ATF2: variants seen among roughly 807,000 people sequenced by gnomAD.
ATF2 encodes the protein cyclic AMP-dependent transcription factor ATF-2.
In ATF2, 24 loss-of-function variants were observed where a neutral mutation model predicts 60.6. The observed-to-expected ratio is 0.40, with a 90% CI of 0.29 to 0.56. The LOEUF (loss-of-function observed/expected upper bound fraction) is 0.56, where lower values mean the gene tolerates loss of function less well. Among genes scored for constraint, ATF2 ranks in the 20% least tolerant of loss-of-function variants. ATF2 has a pLI of 0.54. For synonymous variants in ATF2, 206 were observed against 215.4 expected (o/e 0.96, Z 0.38); for missense variants, 433 against 607.7 (o/e 0.71, Z 3.02).
chr2:175,093,404 T>G lies in ATF2; in HGVS notation c.979-137A>C. On this transcript the variant is annotated intron_variant, in intron 11 of 13. Transcript: ENST00000264110. Reference sequence around the variant, plus strand: ...AATACATCAGTATGTTGGGGCAATATGAAAATCACCCTGTGGTTTAACTTC... The same window carrying G: ...AATACATCAGTATGTTGGGGCAATAGGAAAATCACCCTGTGGTTTAACTTC... 6.1e-6 allele frequency: 5 copies of G among 823,962 alleles called. No individual in the cohort carries two copies. The South Asian group carries it at 9.2e-5, about 15-fold the overall frequency. 51.0% of individuals were successfully genotyped at this position (823,962 alleles called of 1,614,324 possible).
In ATF2 at chr2:175,114,124, G is replaced by T. The variant is rs576890556; in HGVS notation, c.627-16C>A. Reference sequence around the variant, plus strand: ...TGGTACAGGGCTAAGAAAAACAAAAGAAGAGAAATTTTAAAAAAGAGATTC... The same window carrying T: ...TGGTACAGGGCTAAGAAAAACAAAATAAGAGAAATTTTAAAAAAGAGATTC... On this transcript the variant is annotated splice_polypyrimidine_tract_variant and intron_variant, in intron 8 of 13. Transcript: ENST00000264110. 1 of 1,557,868 alleles carries T rather than the reference G, an allele frequency of 6.4e-7. No individual in the cohort carries two copies. The highest frequency in any genetic ancestry group is 8.6e-7 in the Non-Finnish European group (1 of 1,156,284).
At chr2:175,105,809 G>A (rs939751616) in intron 10 of ATF2, among the ~76,000 whole-genome samples, 2 of 152,050 alleles carry the variant, frequency 1.3e-5, no homozygotes, top group African/African-American at 2.4e-5. Context: ...AAACCACAAT[G>A]TAATTAAAAT....
intron 12 of ATF2, among the ~76,000 whole-genome samples, chr2:175,089,747 T>A (rs949371096): frequency 6.6e-6 from 1 of 152,106 alleles, no homozygotes; most frequent in Non-Finnish European, 1.5e-5. Flanking sequence ...AAAGTCAAAA[T>A]AATATATTGA....
intron 2 of ATF2, among the ~76,000 whole-genome samples, chr2:175,143,222 T>C (rs1320298560): frequency 1.3e-5 from 2 of 152,154 alleles, no homozygotes; most frequent in Non-Finnish European, 2.9e-5. Context: ...GTACATAGTC[T>C]AGTCTTGTCA....
intron 9 of ATF2, among the ~76,000 whole-genome samples, chr2:175,112,860 C>T (rs1455408328): frequency 6.6e-6 from 1 of 152,214 alleles, no homozygotes; most frequent in Non-Finnish European, 1.5e-5. Context: ...GCTGGGATTA[C>T]AGGCATGAGC....
At chr2:175,165,265 G>A (rs1419644758) in intron 1 of ATF2, among the ~76,000 whole-genome samples, 1 of 152,134 alleles carries the variant, frequency 6.6e-6, no homozygotes, top group African/African-American at 2.4e-5. Flanking sequence ...ATGAAAATCT[G>A]GTTTTCATAA....
At chr2:175,125,142 A>G (rs1310253771) in intron 4 of ATF2, among the ~76,000 whole-genome samples, 1 of 152,128 alleles carries the variant, frequency 6.6e-6, no homozygotes, top group Non-Finnish European at 1.5e-5. Flanking sequence ...CAAATTCAGA[A>G]TAATGTCATT....
intron 1 of ATF2, among the ~76,000 whole-genome samples, chr2:175,152,429 T>C (rs1487027924): frequency 2.6e-5 from 4 of 152,176 alleles, no homozygotes; most frequent in African/African-American, 9.6e-5. Flanking sequence ...AGAATCATTA[T>C]GTAAATAAAT....
chr2:175,111,954 T>C (rs938710102), intron 9 of ATF2, among the ~76,000 whole-genome samples: 19 of 152,220 alleles, frequency 1.2e-4, no homozygotes, highest in African/African-American at 4.3e-4. Flanking sequence ...CTCAAAGATC[T>C]GTCAAACTTC....
At chr2:175,114,915 C>A in intron 7 of ATF2, 47 bp from the exon 8 acceptor site, 3 of 1,581,422 alleles carry the variant, frequency 1.9e-6, no homozygotes, top group East Asian at 2.2e-5. Context: ...AAATACAAAT[C>A]ATGTACCTTA....
chr2:175,160,176 A>G (rs1286463832), intron 1 of ATF2, among the ~76,000 whole-genome samples: 1 of 152,176 alleles, frequency 6.6e-6, no homozygotes, highest in Non-Finnish European at 1.5e-5. Flanking sequence ...CTTGAGGCCA[A>G]GAATTCAAGA....
At chr2:175,078,460 C>T (rs1428590340) in intron 13 of ATF2, among the ~76,000 whole-genome samples, 1 of 152,024 alleles carries the variant, frequency 6.6e-6, no homozygotes, top group Middle Eastern at 3.2e-3. Context: ...TTAAAATGTA[C>T]TCTTAGTATT....
chr2:175,093,280 G>A lies in ATF2; in HGVS notation c.979-13C>T. 1 of 1,611,780 alleles carries A rather than the reference G, an allele frequency of 6.2e-7. No individual in the cohort carries two copies. ...GAGCTGGAGAAGCCTATTATAAACA[G>A]AGATGAAAGCCTGTTATATTTGTAT... is the stretch of plus-strand genomic sequence containing the variant. On this transcript the variant is annotated splice_polypyrimidine_tract_variant and intron_variant, in intron 11 of 13. Transcript: ENST00000264110.
At chr2:175,098,470 A>G (rs1206402073) in intron 10 of ATF2, among the ~76,000 whole-genome samples, 2 of 152,316 alleles carry the variant, frequency 1.3e-5, no homozygotes, top group African/African-American at 4.8e-5. Flanking sequence ...TGTATATTAC[A>G]CTTTCCTAAG....
intron 10 of ATF2, 105 bp from the exon 11 acceptor site, chr2:175,097,698 T>C: frequency 1.7e-6 from 2 of 1,184,070 alleles, no homozygotes; most frequent in Non-Finnish European, 2.4e-6. Context: ...TGAGTCCTTT[T>C]GCCTAGTACT....
chr2:175,129,389 G>A (rs942998871), intron 4 of ATF2, among the ~76,000 whole-genome samples: 1 of 151,988 alleles, frequency 6.6e-6, no homozygotes, highest in Non-Finnish European at 1.5e-5. Context: ...TGATGGTTTT[G>A]AGTATACGTG....
rs550073261 is a variant in ATF2 at position 175,130,007 on chromosome 2, GT to G, written c.102+130del. On this transcript the variant is annotated intron_variant, in intron 4 of 13. Transcript: ENST00000264110. ...GAATTTCTTGCCAAAAGTTTCCTGG[GT>G]TTTTTTTCATCCTAACTCTAAAATT... 3.4e-3 allele frequency: 2,292 copies of G among 680,796 alleles called. 10 individuals carry two copies. Among genetic ancestry groups the G allele is most frequent in the Non-Finnish European group, 4.3e-3 (1,921 of 449,996 alleles). 42.2% of individuals were successfully genotyped at this position (680,796 alleles called of 1,614,324 possible).
intron 1 of ATF2, among the ~76,000 whole-genome samples, chr2:175,157,823 T>C (rs562844613): frequency 6.6e-6 from 1 of 152,086 alleles, no homozygotes; most frequent in South Asian, 2.1e-4. Flanking sequence ...TGAAACCCTT[T>C]CTCTACTAAA....
intron 13 of ATF2, among the ~76,000 whole-genome samples, chr2:175,075,500 G>T (rs1693231737): frequency 6.6e-6 from 1 of 152,198 alleles, no homozygotes; most frequent in East Asian, 1.9e-4. Flanking sequence ...AGATATTAAG[G>T]AAAGGGCATT....
Sources: allele counts gnomAD v4.1 joint callset (sites outside exome capture counted in the v4.1 genomes callset), GRCh38; gene constraint gnomAD v4.1.1; transcripts MANE v1.5; gene names NCBI Gene and HGNC (gene_info 2026-07-23, HGNC 2026-07-21).